The following FARP2 variants were observed in gnomAD, a reference collection of about 807,000 sequenced individuals.
FARP2 encodes the protein FERM, ARH/RhoGEF and pleckstrin domain protein 2.
FARP2 carries 111 observed loss-of-function variants against 130.5 expected under a neutral mutation model. That is an observed-to-expected ratio of 0.85 (90% CI 0.73 to 1.00). The LOEUF is 1.00. Ranked by LOEUF, FARP2 falls within the 50% of genes least tolerant of loss-of-function variation. The pLI, the probability that FARP2 is intolerant of heterozygous loss-of-function variation, is 0.00. For synonymous variants in FARP2, 504 were observed against 516.9 expected, an observed-to-expected ratio of 0.98 and a Z score of 0.34; for missense variants, 1,385 against 1,346.3, an observed-to-expected ratio of 1.03 and a Z score of -0.45.
intron 18 of FARP2, among the ~76,000 whole-genome samples, chr2:241,473,961 T>A (rs1176378515): frequency 2.6e-5 from 4 of 152,056 alleles, no homozygotes; most frequent in African/African-American, 9.7e-5. Flanking sequence ...CATTCTTTTC[T>A]GACTTTATCC....
In FARP2 at chr2:241,475,738, G is replaced by A; in HGVS notation, c.2132-119G>A. ...GACCGCTGCTATAAGGAGTCGAGTA[G>A]GATGTACCTCTAATTAGAACTGCCT... On this transcript the variant is annotated intron_variant, in intron 18 of 26. Coordinates refer to ENST00000264042, the MANE Select transcript of FARP2 (RefSeq NM_014808.4). This position sits in a 1 kb window ranked among gnomAD's most constrained non-coding sequence, Gnocchi z 4.4. 1.1e-6 allele frequency: 1 copy of A among 871,756 alleles called. No individual in the cohort carries two copies. Among genetic ancestry groups the A allele is most frequent in the Non-Finnish European group, 1.6e-6 (1 of 616,282 alleles). 54.0% of individuals were successfully genotyped at this position (871,756 alleles called of 1,614,324 possible).
At chr2:241,387,769 G>T (rs2061821337) in intron 2 of FARP2, among the ~76,000 whole-genome samples, 1 of 149,738 alleles carries the variant, frequency 6.7e-6, no homozygotes, top group African/African-American at 2.5e-5. Context: ...CTCCAGCCTG[G>T]GTGACAGTGT....
rs115951655 is a variant in FARP2 at position 241,452,314 on chromosome 2, C to T, written c.1412-4433C>T. 3.2e-3 allele frequency among the ~76,000 whole-genome samples: 485 copies of T among 152,210 alleles called. 2 individuals are homozygous for T. The highest frequency in any genetic ancestry group is 0.011 in the African/African-American group (473 of 41,514). ...TGTTCCCCAGGGATAAATGCAACAG[C>T]CCATACAAAATCAGGCATGAGGACA... is the stretch of plus-strand genomic sequence containing the variant. On this transcript the variant is annotated intron_variant, in intron 13 of 26. Coordinates refer to ENST00000264042, the MANE Select transcript of FARP2 (RefSeq NM_014808.4).
rs530896835 is a variant in FARP2, at chr2:241,453,631, A to C, written c.1412-3116A>C. Among the ~76,000 whole-genome samples, 5 of 152,098 alleles carry C rather than the reference A, an allele frequency of 3.3e-5. No homozygotes were observed. The East Asian group carries it at 9.7e-4, about 29-fold the overall frequency. On this transcript the variant is annotated intron_variant, in intron 13 of 26. Coordinates refer to ENST00000264042, the MANE Select transcript of FARP2 (RefSeq NM_014808.4). ...AGCGAGACTCTGTCTCAAAAAAAAA[A>C]AAAGTATTTATAATATTATCAAATG...
intron 13 of FARP2, among the ~76,000 whole-genome samples, chr2:241,450,561 G>T (rs1651441393): frequency 6.6e-6 from 1 of 152,036 alleles, no homozygotes; most frequent in Admixed American, 6.6e-5. Flanking sequence ...AGCTACTCAG[G>T]AGGCTGAGGC....
chr2:241,491,935 G>A (rs1454068019), intron 24 of FARP2, among the ~76,000 whole-genome samples: 1 of 152,168 alleles, frequency 6.6e-6, no homozygotes, highest in East Asian at 1.9e-4. Flanking sequence ...GCCTGGAGCT[G>A]GTGTGTAGTG....
At chr2:241,428,010 C>T (rs2062996003) in intron 8 of FARP2, among the ~76,000 whole-genome samples, 1 of 152,136 alleles carries the variant, frequency 6.6e-6, no homozygotes, top group Non-Finnish European at 1.5e-5. Context: ...TCGTGATCCG[C>T]CCGCCTTGGC....
chr2:241,359,454 C>T (rs879697934), intron 1 of FARP2, among the ~76,000 whole-genome samples: 5 of 152,166 alleles, frequency 3.3e-5, no homozygotes, highest in Admixed American at 6.5e-5. Context: ...CTAGAGCTCG[C>T]GCAGCACAAC....
intron 8 of FARP2, among the ~76,000 whole-genome samples, chr2:241,429,211 G>T (rs1238976178): frequency 6.6e-6 from 1 of 152,196 alleles, no homozygotes; most frequent in East Asian, 1.9e-4. Flanking sequence ...GGTCCTGCTG[G>T]CCTTTACCTG....
At chr2:241,366,516 A>G (rs989077018) in intron 1 of FARP2, among the ~76,000 whole-genome samples, 1 of 152,118 alleles carries the variant, frequency 6.6e-6, no homozygotes, top group Non-Finnish European at 1.5e-5. Context: ...TTAGTTATGT[A>G]GAAAGAAATC....
intron 8 of FARP2, among the ~76,000 whole-genome samples, chr2:241,431,439 G>C (rs1412394656): frequency 6.6e-6 from 1 of 151,310 alleles, no homozygotes; most frequent in Non-Finnish European, 1.5e-5. Context: ...TGGTACCACT[G>C]CACTCTAGCC....
rs2061460633 is a variant in FARP2, at chr2:241,373,161, G to C, written c.54G>C (p.Leu18Phe). Residue 18 changes from leucine to phenylalanine, a missense_variant, in exon 2 of 27, where the codon TTG (leucine) becomes TTC (phenylalanine). Coordinates refer to ENST00000264042, the MANE Select transcript of FARP2 (RefSeq NM_014808.4). ...TCCTGCAGACTGCAGGGATGCGCTT[G>C]GGTGCCCAGACCCCTGTGGGAGTTA... is the stretch of plus-strand genomic sequence containing the variant. ...YRVLQTAGMR[L>F]GAQTPVGVST... 6.4e-7 allele frequency: 1 copy of C among 1,550,578 alleles called. No individual in the cohort carries two copies. The highest frequency in any genetic ancestry group is 8.8e-7 in the Non-Finnish European group (1 of 1,140,332).
chr2:241,457,138 G>A (rs747136730), intron 14 of FARP2, among the ~76,000 whole-genome samples: 7 of 152,272 alleles, frequency 4.6e-5, no homozygotes, highest in Non-Finnish European at 1.0e-4. Context: ...GGGACTCCAG[G>A]TTCCTTCGTA....
intron 8 of FARP2, among the ~76,000 whole-genome samples, chr2:241,429,401 T>G (rs1213316421): frequency 6.6e-6 from 1 of 152,204 alleles, no homozygotes; most frequent in Non-Finnish European, 1.5e-5. Context: ...GCAGTCATTT[T>G]GTAGAATGTT....
rs1397945299 is a variant in FARP2, at chr2:241,434,464, G to C, written c.1031+143G>C. The stretch of plus-strand genomic sequence containing the variant: ...TGGAGGTATTGTGAAAGAATAACTA[G>C]AGGAAGCATATGAAATAAAATAACG... On this transcript the variant is annotated intron_variant, in intron 10 of 26. Transcript: ENST00000264042. 4.8e-6 allele frequency: 3 copies of C among 629,994 alleles called. No homozygotes were observed. The Admixed American group carries it at 1.1e-4, about 24-fold the overall frequency. The allele number at this position is 629,994 out of a possible 1,614,324, so 39.0% of individuals were successfully genotyped here.
In FARP2 at chr2:241,456,881, G is replaced by T. The variant is rs1322443799; in HGVS notation, c.1546G>T (p.Ala516Ser). The T allele has an allele frequency of 1.9e-6, 3 of 1,610,392 alleles. No individual in the cohort carries two copies. In the African/African-American group the frequency reaches 4.0e-5, roughly 22 times the overall value. Residue 516 changes from alanine (A) to serine (S), a missense_variant, in exon 14 of 27, where the codon GCT (alanine) becomes TCT (serine). Coordinates refer to ENST00000264042, the MANE Select transcript of FARP2 (RefSeq NM_014808.4). ...ACTCCTGAGCCCTGTCCTCAGTGAT[G>T]CTGGCGGAGCCGGGATGGACTGCGA... is the stretch of plus-strand genomic sequence containing the variant. ...SPLLSPVLSD[A>S]GGAGMDCEEP...
At chr2:241,446,954 G>GA (rs940881805) in intron 13 of FARP2, 2 of 152,112 alleles carry the variant, frequency 1.3e-5, no homozygotes, top group African/African-American at 4.8e-5. Flanking sequence ...AGGAAATGAA[G>GA]AAAAAATGAG....
intron 2 of FARP2, among the ~76,000 whole-genome samples, chr2:241,402,882 T>TATA (rs2062230158): frequency 7.6e-5 from 2 of 26,404 alleles, no homozygotes; most frequent in Non-Finnish European, 1.3e-4. Context: ...ATATATATAT[T>TATA]TTTTTTTTTT....
chr2:241,493,375 A>G lies in FARP2; in HGVS notation c.2978A>G (p.Tyr993Cys), dbSNP rs773835676. 9 of 1,613,858 alleles carry G rather than the reference A, an allele frequency of 5.6e-6. No homozygotes were observed. The highest frequency in any genetic ancestry group is 2.2e-5 in the East Asian group (1 of 44,902). Residue 993 changes from tyrosine (Y) to cysteine (C), a missense_variant, in exon 26 of 27, where the codon TAT (tyrosine) becomes TGT (cysteine). Physicochemically the swap from Tyr to Cys is radical, Grantham distance 194 (BLOSUM62 -2). Transcript: ENST00000264042. ...PREADGIHKD[Y>C]VFKLQFKSHV... ...GAGGCCGATGGCATACACAAAGACT[A>G]TGTTTTCAAGCTCCAGTTCAAATCC...
Sources: allele counts gnomAD v4.1 joint callset (sites outside exome capture counted in the v4.1 genomes callset), GRCh38; gene constraint gnomAD v4.1.1; non-coding constraint Gnocchi (gnomAD v3.1); transcripts MANE v1.5; gene names NCBI Gene and HGNC (gene_info 2026-07-23, HGNC 2026-07-21).